Variants in CCNY observed in about 807,000 individuals in gnomAD.
CCNY encodes the protein cyclin-Y.
A neutral mutation model predicts 42.8 loss-of-function variants in CCNY; 19 were observed. The ratio of observed to expected loss-of-function variants is 0.44; its 90% CI spans 0.31 to 0.65. The LOEUF (loss-of-function observed/expected upper bound fraction) is 0.65. Among genes scored for constraint, CCNY ranks in the 30% least tolerant of loss-of-function variants. CCNY has a pLI of 0.07. For synonymous variants in CCNY, 165 were observed against 162.7 expected (o/e 1.01, Z -0.11); for missense variants, 370 against 437.3 (o/e 0.85, Z 1.37).
chr10:35,466,571 A>C (rs1446743414), intron 1 of CCNY, among the ~76,000 whole-genome samples: 5 of 152,170 alleles, frequency 3.3e-5, no homozygotes, highest in Non-Finnish European at 7.4e-5. Context: ...AGCCTCACAC[A>C]GAAGGGAACA....
chr10:35,370,771 A>G (rs188341086), intron 1 of CCNY, among the ~76,000 whole-genome samples: 13 of 151,552 alleles, frequency 8.6e-5, no homozygotes, highest in African/African-American at 3.2e-4. Context: ...GCTGGAGTGC[A>G]GTGGGGCCAT....
intron 1 of CCNY, among the ~76,000 whole-genome samples, chr10:35,392,990 C>T (rs1031725431): frequency 5.3e-5 from 8 of 152,126 alleles, no homozygotes; most frequent in East Asian, 1.9e-4. Context: ...CCCCGGCCTA[C>T]GTTCAGCAAG....
In CCNY at chr10:35,357,222, G is replaced by A. The variant is rs1361267096; in HGVS notation, c.154+20015G>A. 1.4e-4 allele frequency among the ~76,000 whole-genome samples: 12 copies of A among 86,532 alleles called. No homozygotes were observed. The East Asian group carries it at 2.2e-3, about 16-fold the overall frequency. The allele number at this position is 86,532 out of a possible 152,430, so 56.8% of individuals were successfully genotyped here. A position where few individuals can be genotyped will look rare whatever the true frequency, so the allele number is the denominator to read the frequency against. On this transcript the variant is annotated intron_variant, in intron 1 of 9. Coordinates refer to ENST00000374704, the MANE Select transcript of CCNY (RefSeq NM_145012.6). ...CCAGCCCCAGCCCCAGCCCCATCAC[G>A]CTCAGTCACTTTACCTTTATGAGGT...
rs16936044 is a variant in CCNY at position 35,461,098 on chromosome 10, G to T, written c.155-22306G>T. On this transcript the variant is annotated intron_variant, in intron 1 of 9. Coordinates refer to ENST00000374704, the MANE Select transcript of CCNY (RefSeq NM_145012.6). ...AGGCCCACCACTGGGCTGGCTGAAG[G>T]TCTCCTGTTTATGGAAGCAAGTGGG... 0.012 allele frequency among the ~76,000 whole-genome samples: 1,835 copies of T among 152,284 alleles called. 45 individuals carry two copies. In the East Asian group the frequency reaches 0.12, roughly 10 times the overall value.
intron 2 of CCNY, among the ~76,000 whole-genome samples, chr10:35,248,483 A>G (rs943669175): frequency 2.0e-5 from 3 of 151,938 alleles, no homozygotes; most frequent in Non-Finnish European, 4.4e-5. Flanking sequence ...ATCTCTACAA[A>G]AAATACAAAA....
At position 35,454,449 on chromosome 10, in the gene CCNY, C is replaced by T. The variant is rs115648681; in HGVS notation, c.155-28955C>T. 6.8e-3 allele frequency among the ~76,000 whole-genome samples: 1,032 copies of T among 152,350 alleles called. 11 individuals carry two copies. The highest frequency in any genetic ancestry group is 0.024 in the African/African-American group (985 of 41,568). ...AACTGTGGCACAGGCAGAAGTCAAC[C>T]AGGGTGAAATGCAGCTTTGCACTCT... On this transcript the variant is annotated intron_variant, in intron 1 of 9. Coordinates refer to ENST00000374704, the MANE Select transcript of CCNY (RefSeq NM_145012.6).
chr10:35,387,582 A>G (rs572639400), intron 1 of CCNY, among the ~76,000 whole-genome samples: 1 of 152,212 alleles, frequency 6.6e-6, no homozygotes, highest in African/African-American at 2.4e-5. Flanking sequence ...AAGGAAAGGA[A>G]TCCACAAAAG....
rs746879132 is a variant in CCNY at position 35,530,038 on chromosome 10, C to G, written c.459+8C>G. 1 of 1,614,036 alleles carries G rather than the reference C, an allele frequency of 6.2e-7. No homozygotes were observed. Among genetic ancestry groups the G allele is most frequent in the South Asian group, 1.1e-5 (1 of 91,084 alleles). Reference sequence around the variant, plus strand: ...AATCTTCACCCTCTTTCGGTAATCTCCTCCGTGTGTTTCATGAGATGATTT... The same window carrying G: ...AATCTTCACCCTCTTTCGGTAATCTGCTCCGTGTGTTTCATGAGATGATTT... On this transcript the variant is annotated splice_region_variant and intron_variant, in intron 6 of 9. Transcript: ENST00000374704. This position sits in a 1 kb window ranked among gnomAD's most constrained non-coding sequence, Gnocchi z 4.3.
In CCNY at chr10:35,410,139, C is replaced by T. The variant is rs375788878; in HGVS notation, c.154+72932C>T. ...TCACCCAGGAGGAGGGAGCCAGAGA[C>T]AGACACATGGTAAGCACAGACTTTG... On this transcript the variant is annotated intron_variant, in intron 1 of 9. Coordinates refer to ENST00000374704, the MANE Select transcript of CCNY (RefSeq NM_145012.6). Among the ~76,000 whole-genome samples the T allele has an allele frequency of 1.8e-4, 28 of 152,294 alleles. No homozygotes were observed. The South Asian group carries it at 5.6e-3, about 30-fold the overall frequency.
intron 7 of CCNY, among the ~76,000 whole-genome samples, chr10:35,534,999 A>ATATATGTGTGTGTG (rs375976167): frequency 7.5e-6 from 1 of 133,502 alleles, no homozygotes; most frequent in African/African-American, 2.8e-5. Context: ...ATCTATATAT[A>ATATATGTGTGTGTG]TGTGTGTGTG....
At chr10:35,501,712 C>A in intron 3 of CCNY, 177 bp downstream of exon 3, 1 of 577,700 alleles carries the variant, frequency 1.7e-6, no homozygotes. Context: ...AGTATTTGTC[C>A]ACTGTCCCAA....
chr10:35,270,136 T>C (rs1835145184), intron 3 of CCNY, among the ~76,000 whole-genome samples: 3 of 152,166 alleles, frequency 2.0e-5, no homozygotes, highest in South Asian at 4.1e-4. Context: ...AAGCTTTCTC[T>C]ACAACTCTCC....
At chr10:35,359,864 T>C (rs1347647113) in intron 1 of CCNY, among the ~76,000 whole-genome samples, 7 of 152,276 alleles carry the variant, frequency 4.6e-5, no homozygotes, top group Admixed American at 2.0e-4. Flanking sequence ...ATACAATATT[T>C]GCCTTCTTGG....
In CCNY at chr10:35,376,299, G is replaced by T. The variant is rs371891886; in HGVS notation, c.154+39092G>T. ...CATGAAGTTACCGTATGACGCAGCA[G>T]TGCCACTCTTAGGTGTATGCCGAAG... On this transcript the variant is annotated intron_variant, in intron 1 of 9. Transcript: ENST00000374704. 7.9e-5 allele frequency among the ~76,000 whole-genome samples: 12 copies of T among 152,340 alleles called. 1 individual carries two copies. In the East Asian group the frequency reaches 2.3e-3, roughly 29 times the overall value.
chr10:35,388,092 A>G (rs968446577), intron 1 of CCNY, among the ~76,000 whole-genome samples: 1 of 152,164 alleles, frequency 6.6e-6, no homozygotes, highest in South Asian at 2.1e-4. Flanking sequence ...CTGTGGGGCT[A>G]TATTTGACTC....
At chr10:35,486,095 C>T (rs1466829869) in intron 2 of CCNY, among the ~76,000 whole-genome samples, 4 of 152,116 alleles carry the variant, frequency 2.6e-5, no homozygotes, top group Non-Finnish European at 2.9e-5. Context: ...TCAGTATGTC[C>T]CAGACAGAAC....
At chr10:35,344,799 C>G (rs1589048355) in intron 1 of CCNY, among the ~76,000 whole-genome samples, 1 of 151,920 alleles carries the variant, frequency 6.6e-6, no homozygotes, top group South Asian at 2.1e-4. Context: ...TTGTTCAATT[C>G]CCACCTATGA....
At chr10:35,291,245 G>T (rs1310137856) in intron 3 of CCNY, among the ~76,000 whole-genome samples, 1 of 152,012 alleles carries the variant, frequency 6.6e-6, no homozygotes, top group Non-Finnish European at 1.5e-5. Flanking sequence ...GACCTTAGGT[G>T]ATCTACCTGC....
chr10:35,494,265 GA>G (rs1564433811), intron 2 of CCNY, among the ~76,000 whole-genome samples: 1 of 129,416 alleles, frequency 7.7e-6, no homozygotes, highest in African/African-American at 2.8e-5. Flanking sequence ...AAAAAATAAA[GA>G]TTTTTTTTTT....
Sources: allele counts gnomAD v4.1 joint callset (sites outside exome capture counted in the v4.1 genomes callset), GRCh38; gene constraint gnomAD v4.1.1; non-coding constraint Gnocchi (gnomAD v3.1); transcripts MANE v1.5; gene names NCBI Gene and HGNC (gene_info 2026-07-23, HGNC 2026-07-21).